The following MAP2K4 variants were observed in gnomAD, a reference collection of about 807,000 sequenced individuals.
The protein encoded by MAP2K4 is dual specificity mitogen-activated protein kinase kinase 4.
A neutral mutation model predicts 48.5 loss-of-function variants in MAP2K4; 4 were observed. That is an observed-to-expected ratio of 0.08 (90% CI 0.04 to 0.19). The LOEUF (loss-of-function observed/expected upper bound fraction) is 0.19, where lower values mean the gene tolerates loss of function less well. Among genes scored for constraint, MAP2K4 ranks in the 10% least tolerant of loss-of-function variants. The probability of loss-of-function intolerance (pLI) is 1.00; values close to 1 mark genes in which losing one functional copy is unlikely to be tolerated. For synonymous variants in MAP2K4, 166 were observed against 173.1 expected (o/e 0.96, Z 0.32); for missense variants, 258 against 493.3 (o/e 0.52, Z 4.52).
chr17:12,137,483 A>C (rs1481714178), intron 9 of MAP2K4, among the ~76,000 whole-genome samples: 1 of 152,222 alleles, frequency 6.6e-6, no homozygotes, highest in East Asian at 1.9e-4. Context: ...ATAGCTGTTG[A>C]TATAAAAGAC....
At chr17:12,089,592 T>C (rs1183635045) in intron 3 of MAP2K4, among the ~76,000 whole-genome samples, 1 of 152,238 alleles carries the variant, frequency 6.6e-6, no homozygotes, top group East Asian at 1.9e-4. Context: ...TTTGGAATAC[T>C]CTACCTATTC....
intron 4 of MAP2K4, among the ~76,000 whole-genome samples, chr17:12,103,923 A>G (rs1303404347): frequency 6.6e-6 from 1 of 152,166 alleles, no homozygotes; most frequent in Admixed American, 6.5e-5. Flanking sequence ...AGAAATAATC[A>G]TAATGTAGAT....
intron 1 of MAP2K4, among the ~76,000 whole-genome samples, chr17:12,031,474 C>T (rs1395625371): frequency 6.6e-6 from 1 of 152,124 alleles, no homozygotes; most frequent in African/African-American, 2.4e-5. Flanking sequence ...ACCAGATATC[C>T]ATCCACTCAC....
chr17:12,111,515 C>T (rs1427275910), intron 6 of MAP2K4, among the ~76,000 whole-genome samples: 4 of 141,672 alleles, frequency 2.8e-5, no homozygotes, highest in African/African-American at 2.6e-5. Flanking sequence ...TAGCTGTGTT[C>T]TATAATTATG....
intron 3 of MAP2K4, among the ~76,000 whole-genome samples, chr17:12,088,424 TATATA>T (rs1971435320): frequency 8.0e-6 from 1 of 125,388 alleles, no homozygotes; most frequent in African/African-American, 2.9e-5. Context: ...ATATAAATTA[TATATA>T]ATATATTACA....
intron 8 of MAP2K4, among the ~76,000 whole-genome samples, chr17:12,126,882 T>C (rs983316367): frequency 1.3e-5 from 2 of 152,220 alleles, no homozygotes; most frequent in Non-Finnish European, 2.9e-5. Context: ...GAATTTTCTA[T>C]CCCTAGATGA....
chr17:12,087,170 C>T (rs916478740), intron 3 of MAP2K4, among the ~76,000 whole-genome samples: 1 of 152,128 alleles, frequency 6.6e-6, no homozygotes, highest in African/African-American at 2.4e-5. Context: ...TACCATACCT[C>T]ACTCTGCGTG....
chr17:12,078,241 G>C (rs546355291), intron 2 of MAP2K4, among the ~76,000 whole-genome samples: 2 of 152,288 alleles, frequency 1.3e-5, no homozygotes, highest in African/African-American at 4.8e-5. Context: ...AGCGGCTGTT[G>C]TCTGAGTTTC....
At chr17:12,021,806 A>G (rs1969079507) in intron 1 of MAP2K4, among the ~76,000 whole-genome samples, 1 of 152,080 alleles carries the variant, frequency 6.6e-6, no homozygotes, top group African/African-American at 2.4e-5. Context: ...GACAGGGGTC[A>G]AAGTGATACT....
In MAP2K4 at chr17:12,043,791, C is replaced by T. The variant is rs572040849; in HGVS notation, c.116-11098C>T. Among the ~76,000 whole-genome samples the T allele has an allele frequency of 3.9e-5, 6 of 152,212 alleles. No individual in the cohort carries two copies. The East Asian group carries it at 1.2e-3, about 29-fold the overall frequency. On this transcript the variant is annotated intron_variant, in intron 1 of 10. Transcript: ENST00000353533. ...CACTATCCTTGATTCATTTACCAATCTGGAAGCTCCCCGAACCCTATTGTT... is the reference window on the plus strand; with the variant it reads ...CACTATCCTTGATTCATTTACCAATTTGGAAGCTCCCCGAACCCTATTGTT...
At chr17:12,088,556 TAA>T (rs955416113) in intron 3 of MAP2K4, among the ~76,000 whole-genome samples, 4 of 35,776 alleles carry the variant, frequency 1.1e-4, no homozygotes, top group African/African-American at 1.7e-4. Context: ...ATCTAATATA[TAA>T]TATATATTAA....
intron 9 of MAP2K4, 131 bp downstream of exon 9, chr17:12,129,418 G>C: frequency 1.9e-6 from 2 of 1,026,962 alleles, no homozygotes; most frequent in Admixed American, 4.0e-5. Context: ...TTCAAGCTGG[G>C]ACTCTGGATC....
Position 12,110,535 on chromosome 17 carries a change from T to C in MAP2K4, c.685+109T>C, listed in dbSNP as rs186097437. ...ACTGTATAAACTTTCCTAAAATATTTGTATTTTTAGCAAAAAATGCTTTAT... is the reference window on the plus strand; with the variant it reads ...ACTGTATAAACTTTCCTAAAATATTCGTATTTTTAGCAAAAAATGCTTTAT... On this transcript the variant is annotated intron_variant, in intron 6 of 10. Transcript: ENST00000353533. 1.0e-3 allele frequency: 823 copies of C among 788,008 alleles called. 2 individuals are homozygous for C. The highest frequency in any genetic ancestry group is 4.0e-3 in the Admixed American group (145 of 36,650). 48.8% of individuals were successfully genotyped at this position (788,008 alleles called of 1,614,324 possible).
chr17:12,033,214 T>G (rs528259182), intron 1 of MAP2K4, among the ~76,000 whole-genome samples: 2 of 152,308 alleles, frequency 1.3e-5, no homozygotes, highest in African/African-American at 4.8e-5. Flanking sequence ...GAGACTACTC[T>G]CCAGTTAACA....
At chr17:12,088,754 G>A (rs927862783) in intron 3 of MAP2K4, among the ~76,000 whole-genome samples, 2 of 150,466 alleles carry the variant, frequency 1.3e-5, no homozygotes, top group African/African-American at 4.9e-5. Context: ...TTCTGCATGG[G>A]TAATTAAATA....
chr17:12,088,496 T>A (rs71367380), intron 3 of MAP2K4, among the ~76,000 whole-genome samples: 23,468 of 134,886 alleles, frequency 0.17, 2,377 homozygotes, highest in South Asian at 0.3. Context: ...ATACAATATT[T>A]AATATATTAT....
chr17:12,031,698 A>T (rs1969442054), intron 1 of MAP2K4, among the ~76,000 whole-genome samples: 1 of 152,156 alleles, frequency 6.6e-6, no homozygotes, highest in Non-Finnish European at 1.5e-5. Context: ...ATTCCTAGGG[A>T]CACTATCTTA....
At chr17:12,025,109 A>G (rs1318242444) in intron 1 of MAP2K4, among the ~76,000 whole-genome samples, 1 of 152,210 alleles carries the variant, frequency 6.6e-6, no homozygotes, top group Non-Finnish European at 1.5e-5. Context: ...TTCCCATAGC[A>G]TGTAGTAATG....
At chr17:12,129,417 G>A in intron 9 of MAP2K4, 130 bp downstream of exon 9, 2 of 1,039,638 alleles carry the variant, frequency 1.9e-6, no homozygotes, top group Non-Finnish European at 2.9e-6. Flanking sequence ...TTTCAAGCTG[G>A]GACTCTGGAT....
Sources: gnomAD v4.1 joint callset for allele counts (sites outside exome capture counted in the v4.1 genomes callset) on GRCh38, gnomAD v4.1.1 for gene constraint, MANE v1.5 for transcripts, NCBI Gene and HGNC (gene_info 2026-07-23, HGNC 2026-07-21) for gene names.